Variants in BCL9 observed in about 807,000 individuals in gnomAD.
BCL9 encodes B-cell CLL/lymphoma 9 protein.
BCL9 carries 25 observed loss-of-function variants against 88.5 expected under a neutral mutation model. That is an observed-to-expected ratio of 0.28 (90% CI 0.21 to 0.39). The LOEUF (loss-of-function observed/expected upper bound fraction) is 0.39. BCL9 is among the 10% of genes least tolerant of loss of function. The pLI is 1.00. For synonymous variants in BCL9, 711 were observed against 673.3 expected, an observed-to-expected ratio of 1.06 and a Z score of -0.87; for missense variants, 1,817 against 1,877.8, an observed-to-expected ratio of 0.97 and a Z score of 0.60.
intron 1 of BCL9, among the ~76,000 whole-genome samples, chr1:147,602,980 A>G (rs953360018): frequency 2.6e-5 from 4 of 152,228 alleles, no homozygotes; most frequent in Admixed American, 2.6e-4. Flanking sequence ...TCTCCCATCT[A>G]CAAAGTAGTA....
At chr1:147,571,396 G>C (rs1655880326) in intron 1 of BCL9, among the ~76,000 whole-genome samples, 1 of 152,034 alleles carries the variant, frequency 6.6e-6, no homozygotes, top group African/African-American at 2.4e-5. Context: ...ACCACCCTTG[G>C]GTGGTGTATT....
At chr1:147,607,803 G>A (rs1269531363) in intron 3 of BCL9, among the ~76,000 whole-genome samples, 1 of 152,160 alleles carries the variant, frequency 6.6e-6, no homozygotes, top group Admixed American at 6.5e-5. Context: ...GCTATACACA[G>A]AATTGAAGAA....
chr1:147,553,880 A>G (rs1025717839), intron 1 of BCL9, among the ~76,000 whole-genome samples: 1 of 152,156 alleles, frequency 6.6e-6, no homozygotes, highest in Non-Finnish European at 1.5e-5. Flanking sequence ...CATCTTCAAT[A>G]TCTATGATTC....
At position 147,624,968 on chromosome 1, in the gene BCL9, G is replaced by A; in HGVS notation, c.*9G>A. On this transcript the variant is annotated 3_prime_UTR_variant, in exon 10 of 10. Coordinates refer to ENST00000234739, the MANE Select transcript of BCL9 (RefSeq NM_004326.4). The surrounding 1 kb of genome is among the most constrained non-coding windows in gnomAD (Gnocchi z 4.4). ...GAAACATGATGTTTTAAGCTGCTAA[G>A]ATGGGATGTGCCGATCCTTGTCAAG... is the stretch of plus-strand genomic sequence containing the variant. 1 of 1,599,936 alleles carries A rather than the reference G, an allele frequency of 6.3e-7. No individual in the cohort carries two copies. The highest frequency in any genetic ancestry group is 8.6e-7 in the Non-Finnish European group (1 of 1,169,100).
At chr1:147,595,102 A>T (rs1656991529) in intron 1 of BCL9, among the ~76,000 whole-genome samples, 1 of 152,218 alleles carries the variant, frequency 6.6e-6, no homozygotes, top group South Asian at 2.1e-4. Context: ...AACAATGAGG[A>T]TACATAAAAG....
At chr1:147,572,455 C>T (rs891744660) in intron 1 of BCL9, among the ~76,000 whole-genome samples, 7 of 152,202 alleles carry the variant, frequency 4.6e-5, no homozygotes, top group African/African-American at 1.7e-4. Context: ...GACATCACTT[C>T]CAGGACAGGC....
chr1:147,614,725 A>T, intron 6 of BCL9, 109 bp downstream of exon 6: 1 of 1,197,296 alleles, frequency 8.4e-7, no homozygotes, highest in East Asian at 2.8e-5. Flanking sequence ...AACAGTACAG[A>T]TAAAACATAA....
At chr1:147,614,727 A>C in intron 6 of BCL9, 111 bp downstream of exon 6, 1 of 1,199,888 alleles carries the variant, frequency 8.3e-7, no homozygotes, top group Non-Finnish European at 1.1e-6. Context: ...CAGTACAGAT[A>C]AAACATAAAA....
At chr1:147,623,001 T>TCCTTC (rs1658723647) in intron 9 of BCL9, among the ~76,000 whole-genome samples, 1 of 149,016 alleles carries the variant, frequency 6.7e-6, no homozygotes, top group Admixed American at 6.7e-5. Flanking sequence ...GATAATAAAA[T>TCCTTC]CCTTCCCTTC....
chr1:147,594,497 T>C (rs1013659232), intron 1 of BCL9, among the ~76,000 whole-genome samples: 7 of 152,232 alleles, frequency 4.6e-5, no homozygotes, highest in Admixed American at 2.0e-4. Flanking sequence ...AATGCAGGAT[T>C]AAGTTCAAGA....
At chr1:147,579,931 C>A (rs188720584) in intron 1 of BCL9, among the ~76,000 whole-genome samples, 79 of 152,236 alleles carry the variant, frequency 5.2e-4, no homozygotes, top group African/African-American at 1.9e-3. Flanking sequence ...TGTGTTTATT[C>A]CCCCTTTCAT....
intron 1 of BCL9, among the ~76,000 whole-genome samples, chr1:147,593,715 T>C (rs587726867): frequency 6.6e-6 from 1 of 152,322 alleles, no homozygotes; most frequent in South Asian, 2.1e-4. Context: ...AATTTGATTA[T>C]ACTTTGAAAA....
intron 1 of BCL9, among the ~76,000 whole-genome samples, chr1:147,573,178 C>G (rs1405406035): frequency 6.6e-6 from 1 of 152,134 alleles, no homozygotes; most frequent in Admixed American, 6.5e-5. Flanking sequence ...AGGCCGGGAG[C>G]GGTGGCTCAC....
At chr1:147,568,968 T>C (rs1390628454) in intron 1 of BCL9, among the ~76,000 whole-genome samples, 1 of 152,028 alleles carries the variant, frequency 6.6e-6, no homozygotes, top group Non-Finnish European at 1.5e-5. Flanking sequence ...TGTTTTCCCT[T>C]CAGGGAGCAC....
At chr1:147,572,622 C>G (rs950967631) in intron 1 of BCL9, among the ~76,000 whole-genome samples, 4 of 152,234 alleles carry the variant, frequency 2.6e-5, no homozygotes, top group African/African-American at 9.6e-5. Flanking sequence ...CTCTGTCACC[C>G]AGGCTGGAGT....
rs961533041 is a variant in BCL9, at chr1:147,620,883, G to A, written c.2728G>A (p.Val910Ile). 6.2e-7 allele frequency: 1 copy of A among 1,614,116 alleles called. No individual in the cohort carries two copies. The highest frequency in any genetic ancestry group is 8.5e-7 in the Non-Finnish European group (1 of 1,180,006). The change falls in exon 8 of 10, where the codon GTT becomes ATT. Residue 910 changes from valine (V) to isoleucine (I), a missense_variant. Coordinates refer to ENST00000234739, the MANE Select transcript of BCL9 (RefSeq NM_004326.4). ...TGCTGCTTCCATTAAGTCCCCCCCTGTTTTGGGGTCTGCTGCTGCTTCACC... is the reference window on the plus strand; with the variant it reads ...TGCTGCTTCCATTAAGTCCCCCCCTATTTTGGGGTCTGCTGCTGCTTCACC... ...AAAASIKSPP[V>I]LGSAAASPVH... is the part of the protein sequence containing the mutation.
In BCL9 at chr1:147,621,199, C is replaced by T. The variant is rs1658620992; in HGVS notation, c.2902+142C>T. ...AAATGGCCATATTTGTGGCAAGGTGCATAATCAGTGCTTCCATGGGGTTAT... is the reference window on the plus strand; with the variant it reads ...AAATGGCCATATTTGTGGCAAGGTGTATAATCAGTGCTTCCATGGGGTTAT... On this transcript the variant is annotated intron_variant, in intron 8 of 9. Transcript: ENST00000234739. The T allele has an allele frequency of 1.8e-5, 17 of 944,390 alleles. No individual in the cohort carries two copies. In the South Asian group the frequency reaches 2.6e-4, roughly 14 times the overall value. The allele number at this position is 944,390 out of a possible 1,614,324, so 58.5% of individuals were successfully genotyped here. A position where few individuals can be genotyped will look rare whatever the true frequency, so the allele number is the denominator to read the frequency against.
chr1:147,563,769 GC>G (rs1176388472), intron 1 of BCL9, among the ~76,000 whole-genome samples: 2 of 152,212 alleles, frequency 1.3e-5, no homozygotes, highest in African/African-American at 4.8e-5. Context: ...AGAGTCAGCA[GC>G]ACTTTAATAA....
rs143538519 is a variant in BCL9, at chr1:147,620,084, C to T, written c.1929C>T (p.Leu643=). ...QQQLAEKQLG[L]PPGMAMEGIR... ...AGCTGGCAGAGAAACAGCTGGGTCT[C>T]CCCCCAGGGATGGCCATGGAAGGCA... Residue 643 remains leucine (L), a synonymous_variant, in exon 8 of 10, where the codon CTC becomes CTT. Transcript: ENST00000234739. 66 of 1,614,134 alleles carry T rather than the reference C, an allele frequency of 4.1e-5. No homozygotes were observed. Among genetic ancestry groups the T allele is most frequent in the African/African-American group, 1.6e-4 (12 of 75,024 alleles).
Sources: gnomAD v4.1 joint callset for allele counts (sites outside exome capture counted in the v4.1 genomes callset) on GRCh38, gnomAD v4.1.1 for gene constraint, Gnocchi (gnomAD v3.1) non-coding constraint, MANE v1.5 for transcripts, NCBI Gene and HGNC (gene_info 2026-07-23, HGNC 2026-07-21) for gene names.